Variants in CCDC138 observed in about 807,000 individuals in gnomAD.
The protein encoded by CCDC138 is coiled-coil domain containing 138, also known as coiled-coil domain-containing protein 138.
CCDC138 carries 66 observed loss-of-function variants against 82.3 expected under a neutral mutation model. The ratio of observed to expected loss-of-function variants is 0.80; its 90% CI spans 0.66 to 0.98. The LOEUF (loss-of-function observed/expected upper bound fraction) is 0.98. CCDC138 is among the 50% of genes least tolerant of loss of function. The pLI, the probability that CCDC138 is intolerant of heterozygous loss-of-function variation, is 0.00. For missense variants in CCDC138, 816 were observed against 758.9 expected, an observed-to-expected ratio of 1.08 and a Z score of -0.88; for synonymous variants, 297 against 265.4, an observed-to-expected ratio of 1.12 and a Z score of -1.16.
intron 10 of CCDC138, among the ~76,000 whole-genome samples, chr2:108,837,851 G>C (rs1688826471): frequency 6.6e-6 from 1 of 152,008 alleles, no homozygotes; most frequent in Non-Finnish European, 1.5e-5. Flanking sequence ...GAGAGTATAT[G>C]GCTAGTAAAT....
chr2:108,854,025 TA>T, intron 12 of CCDC138, among the ~76,000 whole-genome samples: 1 of 107,614 alleles, frequency 9.3e-6, no homozygotes, highest in Admixed American at 1.3e-4. Flanking sequence ...ATAATAAATT[TA>T]TATTATATAT....
At chr2:108,866,686 C>T (rs1468891920) in intron 13 of CCDC138, among the ~76,000 whole-genome samples, 1 of 152,042 alleles carries the variant, frequency 6.6e-6, no homozygotes, top group Non-Finnish European at 1.5e-5. Flanking sequence ...AGTTTGAGAC[C>T]AGCCTAGCCA....
chr2:108,814,756 C>T (rs1034818165), intron 9 of CCDC138, among the ~76,000 whole-genome samples: 1 of 151,066 alleles, frequency 6.6e-6, no homozygotes, highest in African/African-American at 2.4e-5. Context: ...GGGTTCAAGC[C>T]TCCCGAAGAG....
chr2:108,793,221 C>A (rs932875863), intron 4 of CCDC138, among the ~76,000 whole-genome samples: 4 of 151,606 alleles, frequency 2.6e-5, no homozygotes, highest in African/African-American at 4.8e-5. Context: ...AAAAATTAGC[C>A]GGGCTTGGTG....
chr2:108,825,952 A>G (rs1686514534), intron 10 of CCDC138, among the ~76,000 whole-genome samples: 1 of 152,208 alleles, frequency 6.6e-6, no homozygotes, highest in Admixed American at 6.5e-5. Flanking sequence ...TTGTCATCTC[A>G]GTGAGTATGA....
At chr2:108,826,424 A>G (rs929695026) in intron 10 of CCDC138, among the ~76,000 whole-genome samples, 2 of 152,068 alleles carry the variant, frequency 1.3e-5, no homozygotes, top group Non-Finnish European at 2.9e-5. Context: ...ATTTTGAGTT[A>G]GTTTTCATAT....
chr2:108,833,894 A>ATTTTTTTTTTTTTTTTT (rs749488565), intron 10 of CCDC138, among the ~76,000 whole-genome samples: 2 of 79,242 alleles, frequency 2.5e-5, no homozygotes, highest in African/African-American at 5.0e-5. Context: ...CGCCCGGCTA[A>ATTTTTTTTTTTTTTTTT]TTTTTTTTTT....
chr2:108,809,201 C>A (rs939335932), intron 7 of CCDC138, among the ~76,000 whole-genome samples: 13 of 152,114 alleles, frequency 8.5e-5, no homozygotes, highest in African/African-American at 2.9e-4. Context: ...CAATACTATG[C>A]TGTTCTGGTT....
At chr2:108,792,498 C>T (rs897535511) in intron 4 of CCDC138, among the ~76,000 whole-genome samples, 3 of 152,056 alleles carry the variant, frequency 2.0e-5, no homozygotes, top group African/African-American at 7.2e-5. Context: ...ACTTTTGCAC[C>T]AACCTCATAT....
At chr2:108,862,524 G>C (rs141749411) in intron 13 of CCDC138, among the ~76,000 whole-genome samples, 2 of 152,198 alleles carry the variant, frequency 1.3e-5, no homozygotes, top group East Asian at 1.9e-4. Flanking sequence ...TTACATACTT[G>C]AAAATTGCTA....
At chr2:108,791,410 AGCTGTAGAAT>A (rs1466377190) in intron 3 of CCDC138, 2 of 438,522 alleles carry the variant, frequency 4.6e-6, no homozygotes, top group African/African-American at 4.1e-5. Flanking sequence ...AGTGTTCCTT[AGCTGTAGAAT>A]ATACCACAGG....
Position 108,873,300 on chromosome 2 carries a change from G to A in CCDC138, c.1694-151G>A, listed in dbSNP as rs1558771432. 1.0e-4 allele frequency: 4 copies of A among 38,748 alleles called. 2 individuals carry two copies. Among genetic ancestry groups the A allele is most frequent in the Non-Finnish European group, 3.3e-4 (4 of 12,022 alleles). 2.4% of individuals were successfully genotyped at this position (38,748 alleles called of 1,614,324 possible). On this transcript the variant is annotated intron_variant, in intron 13 of 14. Transcript: ENST00000295124. ...CAGTGGATGTTTTAATTTTTCAAAT[G>A]ATGATATTTTCACTCAAAAATTTAA...
intron 4 of CCDC138, among the ~76,000 whole-genome samples, chr2:108,792,523 A>G (rs1216268848): frequency 6.6e-6 from 1 of 152,216 alleles, no homozygotes; most frequent in Admixed American, 6.5e-5. Flanking sequence ...AAGTAGACAA[A>G]ATTAAGAAAT....
intron 3 of CCDC138, among the ~76,000 whole-genome samples, chr2:108,789,943 A>G (rs1558960449): frequency 6.6e-6 from 1 of 152,244 alleles, no homozygotes; most frequent in Non-Finnish European, 1.5e-5. Flanking sequence ...TGAAATAAAG[A>G]TGTATCCATA....
At chr2:108,813,180 C>T (rs1034050869) in intron 9 of CCDC138, among the ~76,000 whole-genome samples, 2 of 122,788 alleles carry the variant, frequency 1.6e-5, no homozygotes, top group African/African-American at 6.1e-5. Flanking sequence ...ACCTGGGAGG[C>T]GGAGGTTGCA....
intron 7 of CCDC138, among the ~76,000 whole-genome samples, chr2:108,811,983 C>G (rs1258835138): frequency 6.6e-6 from 1 of 152,032 alleles, no homozygotes; most frequent in African/African-American, 2.4e-5. Flanking sequence ...GTATTCTATT[C>G]ATGGTGTATA....
intron 11 of CCDC138, among the ~76,000 whole-genome samples, chr2:108,841,599 T>G (rs897783896): frequency 6.6e-6 from 1 of 152,190 alleles, no homozygotes; most frequent in African/African-American, 2.4e-5. Flanking sequence ...AATATATCTT[T>G]TCCCAGTCTT....
chr2:108,824,227 CTT>C (rs2150106840), intron 10 of CCDC138, among the ~76,000 whole-genome samples: 1 of 152,030 alleles, frequency 6.6e-6, no homozygotes, highest in Admixed American at 6.5e-5. Flanking sequence ...ACTTTATAAA[CTT>C]TTTAGTTTTT....
At chr2:108,846,515 C>T (rs1164468049) in intron 11 of CCDC138, among the ~76,000 whole-genome samples, 7 of 144,476 alleles carry the variant, frequency 4.8e-5, no homozygotes, top group East Asian at 2.0e-4. Flanking sequence ...CCATCTCTAC[C>T]GAAAAAAAAA....
Sources: allele counts gnomAD v4.1 joint callset (sites outside exome capture counted in the v4.1 genomes callset), GRCh38; gene constraint gnomAD v4.1.1; transcripts MANE v1.5; gene names NCBI Gene and HGNC (gene_info 2026-07-23, HGNC 2026-07-21).